Variants in ADAMTSL1 observed in about 807,000 individuals in gnomAD.
ADAMTSL1 encodes the protein ADAMTS like 1.
A neutral mutation model predicts 201.8 loss-of-function variants in ADAMTSL1; 126 were observed. The observed-to-expected ratio is 0.62, with a 90% CI of 0.54 to 0.72. The LOEUF is 0.72. ADAMTSL1 is among the 30% of genes least tolerant of loss of function. The probability of loss-of-function intolerance (pLI) is 0.00; values close to 1 mark genes in which losing one functional copy is unlikely to be tolerated. For synonymous variants in ADAMTSL1, 1,121 were observed against 903.4 expected, an observed-to-expected ratio of 1.24 and a Z score of -4.32; for missense variants, 2,679 against 2,277.8, an observed-to-expected ratio of 1.18 and a Z score of -3.59.
At chr9:18,063,451 A>C (rs1822549579) in intron 1 of ADAMTSL1, among the ~76,000 whole-genome samples, 1 of 152,258 alleles carries the variant, frequency 6.6e-6, no homozygotes, top group South Asian at 2.1e-4. Context: ...TTCTGAAATG[A>C]ATAACTTAAA....
At chr9:18,533,651 C>G (rs144183473) in intron 3 of ADAMTSL1, among the ~76,000 whole-genome samples, 1 of 152,258 alleles carries the variant, frequency 6.6e-6, no homozygotes, top group East Asian at 1.9e-4. Flanking sequence ...TCAGATTTGA[C>G]AAACTCATTC....
chr9:18,414,129 C>T (rs773791373), intron 2 of ADAMTSL1, among the ~76,000 whole-genome samples: 11 of 152,132 alleles, frequency 7.2e-5, no homozygotes, highest in Admixed American at 2.0e-4. Flanking sequence ...AGTGTAATAA[C>T]GTCTCTAAGG....
intron 2 of ADAMTSL1, among the ~76,000 whole-genome samples, chr9:18,371,238 A>C (rs1333090021): frequency 2.6e-5 from 4 of 152,180 alleles, no homozygotes; most frequent in Non-Finnish European, 5.9e-5. Flanking sequence ...CCTGGTTTAA[A>C]GATCTTGAAT....
At chr9:18,859,834 AT>A (rs546990965) in intron 23 of ADAMTSL1, among the ~76,000 whole-genome samples, 2,450 of 150,062 alleles carry the variant, frequency 0.016, 31 homozygotes, top group Middle Eastern at 0.042. Context: ...AATGGTGCTG[AT>A]TTTTTTTTTA....
intron 16 of ADAMTSL1, among the ~76,000 whole-genome samples, chr9:18,756,402 G>T (rs1039480155): frequency 6.6e-6 from 1 of 150,568 alleles, no homozygotes. Context: ...GCTAAGTTTT[G>T]TTGGGAAAAA....
At chr9:18,250,485 G>A (rs1460321263) in intron 2 of ADAMTSL1, among the ~76,000 whole-genome samples, 1 of 152,168 alleles carries the variant, frequency 6.6e-6, no homozygotes, top group Non-Finnish European at 1.5e-5. Context: ...CCTAAAGAAT[G>A]GAAACAGAAG....
At chr9:18,773,146 A>G (rs1820789714) in intron 17 of ADAMTSL1, among the ~76,000 whole-genome samples, 1 of 152,144 alleles carries the variant, frequency 6.6e-6, no homozygotes, top group Non-Finnish European at 1.5e-5. Flanking sequence ...GAAGACCTAA[A>G]TGATCTATGG....
At chr9:18,614,224 T>G (rs1459934337) in intron 4 of ADAMTSL1, among the ~76,000 whole-genome samples, 1 of 152,146 alleles carries the variant, frequency 6.6e-6, no homozygotes, top group East Asian at 1.9e-4. Context: ...TGGCTATGAC[T>G]GCTAAACCCC....
chr9:17,931,704 A>C (rs1162163488), intron 1 of ADAMTSL1, among the ~76,000 whole-genome samples: 1 of 152,056 alleles, frequency 6.6e-6, no homozygotes, highest in African/African-American at 2.4e-5. Flanking sequence ...CATTTATCAG[A>C]AAGTTGTGGC....
At chr9:17,999,326 T>A (rs1027539708) in intron 1 of ADAMTSL1, among the ~76,000 whole-genome samples, 2 of 152,032 alleles carry the variant, frequency 1.3e-5, no homozygotes, top group Non-Finnish European at 2.9e-5. Flanking sequence ...AAGGGGCCAC[T>A]GTGAAAGCTG....
chr9:18,096,994 T>A (rs1587038993), intron 1 of ADAMTSL1, among the ~76,000 whole-genome samples: 3 of 152,334 alleles, frequency 2.0e-5, no homozygotes, highest in Admixed American at 2.0e-4. Context: ...TGGATGAGAT[T>A]TCTTAAATGT....
chr9:18,327,219 A>G (rs1293322766), intron 2 of ADAMTSL1, among the ~76,000 whole-genome samples: 2 of 152,216 alleles, frequency 1.3e-5, no homozygotes, highest in African/African-American at 4.8e-5. Flanking sequence ...CTGTTCTGAT[A>G]TTGCATTTTA....
chr9:18,748,165 A>T (rs1463990338), intron 15 of ADAMTSL1, among the ~76,000 whole-genome samples: 2 of 152,204 alleles, frequency 1.3e-5, no homozygotes, highest in Admixed American at 1.3e-4. Context: ...AGAGGAAAGA[A>T]AGCAGTATAG....
chr9:18,320,470 A>G (rs77632185), intron 2 of ADAMTSL1, among the ~76,000 whole-genome samples: 2,923 of 152,332 alleles, frequency 0.019, 84 homozygotes, highest in African/African-American at 0.065. Flanking sequence ...AGGAAAGCTG[A>G]GAGAATTTGG....
At chr9:17,964,779 C>A (rs114973860) in intron 1 of ADAMTSL1, among the ~76,000 whole-genome samples, 1,873 of 152,286 alleles carry the variant, frequency 0.012, 47 homozygotes, top group African/African-American at 0.043. Context: ...GTGATCTAAA[C>A]ATTAAAGAAG....
intron 1 of ADAMTSL1, among the ~76,000 whole-genome samples, chr9:18,149,521 C>T (rs996680983): frequency 6.6e-6 from 1 of 151,972 alleles, no homozygotes; most frequent in Non-Finnish European, 1.5e-5. Flanking sequence ...TTCTGGAGCA[C>T]AACATCACAT....
intron 1 of ADAMTSL1, among the ~76,000 whole-genome samples, chr9:18,038,203 C>T (rs1036889407): frequency 5.9e-5 from 9 of 152,120 alleles, no homozygotes; most frequent in African/African-American, 1.9e-4. Context: ...GAGACTTGCC[C>T]ATGTGAGCCT....
chr9:18,036,027 G>T (rs1315729594), intron 1 of ADAMTSL1, among the ~76,000 whole-genome samples: 1 of 152,130 alleles, frequency 6.6e-6, no homozygotes, highest in Non-Finnish European at 1.5e-5. Flanking sequence ...TGAGTGTTTT[G>T]TTCCAGGAAC....
rs1419227877 is a variant in ADAMTSL1 at position 18,826,440 on chromosome 9, A to T, written c.4091A>T (p.Glu1364Val). 1 of 1,613,622 alleles carries T rather than the reference A, an allele frequency of 6.2e-7. No individual in the cohort carries two copies. Among genetic ancestry groups the T allele is most frequent in the Non-Finnish European group, 8.5e-7 (1 of 1,179,800 alleles). The change falls in exon 22 of 29, where the codon GAG becomes GTG. Residue 1364 changes from glutamate (E) to valine (V), a missense_variant. By Grantham distance (121) the Glu-to-Val change is moderately radical (BLOSUM62 -2). Transcript: ENST00000380548. Reference protein sequence around the residue: ...RAANLHGELTESTQLLILDPP... With the variant: ...RAANLHGELTVSTQLLILDPP... ...GCCAATCTTCATGGAGAGCTGACTG[A>T]GAGCACCCAGCTGCTGATCCTAGGT...
Sources: gnomAD v4.1 joint callset for allele counts (sites outside exome capture counted in the v4.1 genomes callset) on GRCh38, gnomAD v4.1.1 for gene constraint, MANE v1.5 for transcripts, NCBI Gene and HGNC (gene_info 2026-07-23, HGNC 2026-07-21) for gene names.